The following PCDH15 variants were observed in gnomAD, a reference collection of about 807,000 sequenced individuals.
PCDH15 encodes protocadherin related 15, also known as protocadherin-15.
A neutral mutation model predicts 178.5 loss-of-function variants in PCDH15; 129 were observed. The observed-to-expected ratio is 0.72, with a 90% confidence interval of 0.63 to 0.84. The LOEUF is 0.84. Ranked by LOEUF, PCDH15 falls within the 40% of genes least tolerant of loss-of-function variation. The probability of loss-of-function intolerance (pLI) is 0.00; values close to 1 mark genes in which losing one functional copy is unlikely to be tolerated. For synonymous variants in PCDH15, 800 were observed against 732.0 expected, an observed-to-expected ratio of 1.09 and a Z score of -1.50; for missense variants, 2,230 against 2,099.9, an observed-to-expected ratio of 1.06 and a Z score of -1.21.
chr10:54,263,674 C>G (rs1183726247), intron 8 of PCDH15, among the ~76,000 whole-genome samples: 2 of 152,128 alleles, frequency 1.3e-5, no homozygotes, highest in Non-Finnish European at 2.9e-5. Context: ...TGCAACTACC[C>G]AGAAATGAAG....
At chr10:55,134,357 G>C (rs1838134602) in intron 2 of PCDH15, among the ~76,000 whole-genome samples, 1 of 152,126 alleles carries the variant, frequency 6.6e-6, no homozygotes, top group Non-Finnish European at 1.5e-5. Flanking sequence ...ACAAATTAGT[G>C]ACCTTCACTC....
chr10:55,328,541 A>G (rs1844097781), intron 2 of PCDH15, among the ~76,000 whole-genome samples: 1 of 151,750 alleles, frequency 6.6e-6, no homozygotes, highest in Non-Finnish European at 1.5e-5. Flanking sequence ...GCCATTATAT[A>G]TACAGTCCAT....
chr10:55,245,801 T>C (rs1841665384), intron 1 of PCDH15, among the ~76,000 whole-genome samples: 1 of 152,182 alleles, frequency 6.6e-6, no homozygotes, highest in African/African-American at 2.4e-5. Flanking sequence ...CTATGATAGA[T>C]AGCATAACAC....
In PCDH15 at chr10:55,138,212, C is replaced by T. The variant is rs550984536; in HGVS notation, c.-80+28364G>A. On this transcript the variant is annotated intron_variant, in intron 2 of 5. Transcript: ENST00000458638. ...AAACAACACATTTTTAGTATAAGTA[C>T]GTCCAATGCAATATTTAGTAAATAC... Among the ~76,000 whole-genome samples, 4 of 152,118 alleles carry T rather than the reference C, an allele frequency of 2.6e-5. No individual in the cohort carries two copies. In the South Asian group the frequency reaches 6.2e-4, roughly 24 times the overall value.
At chr10:54,099,513 A>AAAAAAAAATATATATAT (rs1347306483) in intron 15 of PCDH15, among the ~76,000 whole-genome samples, 2 of 117,932 alleles carry the variant, frequency 1.7e-5, no homozygotes, top group African/African-American at 7.7e-5. Flanking sequence ...AAAAAAAAAA[A>AAAAAAAAATATATATAT]ATATATATAT....
chr10:54,351,019 C>T (rs1944084537), intron 5 of PCDH15, among the ~76,000 whole-genome samples: 1 of 151,818 alleles, frequency 6.6e-6, no homozygotes, highest in African/African-American at 2.4e-5. Context: ...CAGGAGAATC[C>T]CTTGAACCCA....
chr10:54,779,488 GTATATATATACACACATATATGTGTGTA>G (rs1555192840), intron 1 of PCDH15, among the ~76,000 whole-genome samples: 7 of 53,292 alleles, frequency 1.3e-4, no homozygotes, highest in African/African-American at 1.9e-4. Flanking sequence ...ACATATATAT[GTATATATATACACACATATATGTGTGTA>G]TATATATATA....
intron 16 of PCDH15, among the ~76,000 whole-genome samples, chr10:54,081,311 A>AATAT (rs34211054): frequency 0.8 from 120,115 of 150,730 alleles, 48,624 homozygotes; most frequent in African/African-American, 0.93. Context: ...TAGTATTTGG[A>AATAT]ATATATATGT....
intron 2 of PCDH15, among the ~76,000 whole-genome samples, chr10:55,428,596 G>A (rs1589018287): frequency 1.3e-5 from 2 of 151,336 alleles, no homozygotes; most frequent in Non-Finnish European, 3.0e-5. Flanking sequence ...CTATCTCAGA[G>A]AGACAGCGCT....
Position 54,427,251 on chromosome 10 carries a change from T to C in PCDH15, c.158-48309A>G, listed in dbSNP as rs562444680. Among the ~76,000 whole-genome samples, 33 of 150,430 alleles carry C rather than the reference T, an allele frequency of 2.2e-4. 2 individuals are homozygous for C. In the South Asian group the frequency reaches 6.9e-3, roughly 32 times the overall value. On this transcript the variant is annotated intron_variant, in intron 3 of 37. Transcript: ENST00000644397. ...TTATTTCTTCAGACTTTTCCTCTCA[T>C]TTCTTTCTCTTTTTCTGGTTTTTTT...
chr10:55,286,582 G>A (rs570154605), intron 1 of PCDH15, among the ~76,000 whole-genome samples: 3 of 151,412 alleles, frequency 2.0e-5, no homozygotes, highest in South Asian at 4.2e-4. Context: ...CCTTGCTGTA[G>A]GTGCTACAAA....
intron 2 of PCDH15, among the ~76,000 whole-genome samples, chr10:55,413,044 T>C (rs1194469207): frequency 6.6e-6 from 1 of 151,808 alleles, no homozygotes; most frequent in Non-Finnish European, 1.5e-5. Flanking sequence ...ATATGCATCA[T>C]TAATGAATAA....
intron 2 of PCDH15, among the ~76,000 whole-genome samples, chr10:54,975,192 T>C (rs1839037639): frequency 6.6e-6 from 1 of 152,206 alleles, no homozygotes; most frequent in South Asian, 2.1e-4. Flanking sequence ...ATTTGAGAAA[T>C]GCTTTTCCTA....
intron 1 of PCDH15, among the ~76,000 whole-genome samples, chr10:54,723,722 G>A (rs2152569): frequency 6.6e-6 from 1 of 151,320 alleles, no homozygotes; most frequent in Non-Finnish European, 1.5e-5. Flanking sequence ...TTCCACTGAA[G>A]AGTGGGCAAA....
chr10:54,560,033 G>A lies in PCDH15; in HGVS notation c.92-32156C>T, dbSNP rs536033965. On this transcript the variant is annotated intron_variant, in intron 2 of 37. Coordinates refer to ENST00000644397, the MANE Select transcript of PCDH15 (RefSeq NM_001384140.1). ...GAGATCAATTTATGTAACTCAATTTGTTGTCTTTAAAGGAGTTTAACATTG... is the reference window on the plus strand; with the variant it reads ...GAGATCAATTTATGTAACTCAATTTATTGTCTTTAAAGGAGTTTAACATTG... Among the ~76,000 whole-genome samples the A allele has an allele frequency of 8.6e-5, 13 of 151,958 alleles. No homozygotes were observed. In the South Asian group the frequency reaches 2.7e-3, roughly 32 times the overall value.
chr10:55,346,801 C>A (rs1194783273), intron 2 of PCDH15, among the ~76,000 whole-genome samples: 1 of 151,678 alleles, frequency 6.6e-6, no homozygotes, highest in African/African-American at 2.4e-5. Flanking sequence ...TGTAGGTCCA[C>A]CTTGGCTGCT....
chr10:55,499,879 G>A (rs1840617563), intron 2 of PCDH15, among the ~76,000 whole-genome samples: 1 of 151,792 alleles, frequency 6.6e-6, no homozygotes, highest in Non-Finnish European at 1.5e-5. Context: ...CTAAGTAAAT[G>A]TGAAAGATGT....
chr10:55,267,806 T>C (rs1842338975), intron 1 of PCDH15, among the ~76,000 whole-genome samples: 1 of 152,206 alleles, frequency 6.6e-6, no homozygotes, highest in African/African-American at 2.4e-5. Context: ...TAGAGGTTTT[T>C]GGGATTTCCT....
intron 3 of PCDH15, among the ~76,000 whole-genome samples, chr10:54,867,690 G>T (rs187717057): frequency 6.6e-5 from 10 of 152,006 alleles, no homozygotes; most frequent in Admixed American, 2.6e-4. Context: ...TTACAATATT[G>T]CAATTAATTC....
Sources: gnomAD v4.1 joint callset for allele counts (sites outside exome capture counted in the v4.1 genomes callset) on GRCh38, gnomAD v4.1.1 for gene constraint, MANE v1.5 for transcripts, NCBI Gene and HGNC (gene_info 2026-07-23, HGNC 2026-07-21) for gene names.